SEC24A: variants seen among roughly 807,000 people sequenced by gnomAD.
SEC24A encodes the protein SEC24 homolog A, COPII component.
A neutral mutation model predicts 129.4 loss-of-function variants in SEC24A; 93 were observed. That is an observed-to-expected ratio of 0.72 (90% CI 0.61 to 0.85). SEC24A has a LOEUF of 0.85. Ranked by LOEUF, SEC24A falls within the 40% of genes least tolerant of loss-of-function variation. SEC24A has a pLI of 0.00. For synonymous variants in SEC24A, 460 were observed against 467.3 expected, an observed-to-expected ratio of 0.98 and a Z score of 0.20; for missense variants, 1,264 against 1,307.4, an observed-to-expected ratio of 0.97 and a Z score of 0.51.
At chr5:134,653,886 A>G (rs1188758782) in intron 1 of SEC24A, among the ~76,000 whole-genome samples, 4 of 147,460 alleles carry the variant, frequency 2.7e-5, no homozygotes, top group Non-Finnish European at 6.0e-5. Flanking sequence ...GGCCGGGTGC[A>G]GTGGCTCACA....
At chr5:134,700,034 A>G (rs1025115750) in intron 15 of SEC24A, among the ~76,000 whole-genome samples, 38 of 147,502 alleles carry the variant, frequency 2.6e-4, no homozygotes, top group African/African-American at 8.5e-4. Context: ...ATTTCTCCAC[A>G]TTATCAACCT....
intron 1 of SEC24A, among the ~76,000 whole-genome samples, chr5:134,658,086 T>C (rs1308334838): frequency 6.6e-6 from 1 of 152,060 alleles, no homozygotes; most frequent in Non-Finnish European, 1.5e-5. Context: ...CTGGCCAACA[T>C]GGTGAAATCC....
intron 1 of SEC24A, among the ~76,000 whole-genome samples, chr5:134,659,238 AT>A (rs1320421785): frequency 4.6e-5 from 7 of 151,516 alleles, no homozygotes; most frequent in Admixed American, 2.6e-4. Flanking sequence ...CGCTCCACTA[AT>A]TTTTTTGTAT....
At chr5:134,652,537 C>T (rs184903737) in intron 1 of SEC24A, among the ~76,000 whole-genome samples, 172 of 152,134 alleles carry the variant, frequency 1.1e-3, no homozygotes, top group African/African-American at 3.9e-3. Context: ...CCGCCCACCT[C>T]GGCCTACTAA....
intron 20 of SEC24A, among the ~76,000 whole-genome samples, chr5:134,720,370 G>C (rs898429038): frequency 2.0e-5 from 3 of 152,108 alleles, no homozygotes; most frequent in Admixed American, 6.6e-5. Flanking sequence ...TACCATTAAG[G>C]CTTGTGTAAA....
In SEC24A at chr5:134,686,877, CAG is replaced by C. The variant is rs772573019; in HGVS notation, c.1582_1583del (p.Ser528PhefsTer13). The C allele has an allele frequency of 6.2e-7, 1 of 1,605,594 alleles. No individual in the cohort carries two copies. Among genetic ancestry groups the C allele is most frequent in the Non-Finnish European group, 8.5e-7 (1 of 1,174,462 alleles). ...VETGYLNSVC[Q>X]SLLDNLDLLP... is the part of the protein sequence containing the mutation. ...AACTGGATACTTGAATTCAGTTTGC[CAG>C]AGTTTGTTAGACAATCTGGATTTGT... On this transcript the variant is annotated frameshift_variant, in exon 10 of 23. Transcript: ENST00000398844. LOFTEE classifies it high-confidence loss of function.
chr5:134,718,468 G>A (rs1752540781), intron 20 of SEC24A, among the ~76,000 whole-genome samples: 1 of 152,000 alleles, frequency 6.6e-6, no homozygotes, highest in African/African-American at 2.4e-5. Flanking sequence ...CCTTAGGCGG[G>A]TCCTTGAGGA....
At chr5:134,709,613 G>A (rs568718319) in intron 18 of SEC24A, among the ~76,000 whole-genome samples, 94 of 152,264 alleles carry the variant, frequency 6.2e-4, no homozygotes, top group African/African-American at 2.1e-3. Context: ...GAGGCTGGGT[G>A]GTGGGGCAGG....
At chr5:134,704,303 C>T (rs1455290570) in intron 16 of SEC24A, among the ~76,000 whole-genome samples, 3 of 151,980 alleles carry the variant, frequency 2.0e-5, no homozygotes, top group Non-Finnish European at 4.4e-5. Flanking sequence ...CTCTTGACCT[C>T]GTGATCTGCC....
intron 18 of SEC24A, among the ~76,000 whole-genome samples, chr5:134,710,842 A>G (rs1315385572): frequency 6.6e-6 from 1 of 152,212 alleles, no homozygotes; most frequent in East Asian, 1.9e-4. Context: ...ATTTTATTTA[A>G]AAGCTCGTGT....
intron 7 of SEC24A, 152 bp downstream of exon 7, chr5:134,676,277 TTA>T: frequency 1.8e-6 from 1 of 548,328 alleles, no homozygotes; most frequent in South Asian, 2.4e-5. Context: ...GTAGCTGGGA[TTA>T]CAGGTGCCTG....
intron 1 of SEC24A, among the ~76,000 whole-genome samples, chr5:134,651,122 TCTTA>T (rs1309580758): frequency 7.0e-6 from 1 of 143,718 alleles, no homozygotes. Context: ...TGAGACAGGA[TCTTA>T]CTTAAACTGT....
At chr5:134,674,922 AT>A in intron 5 of SEC24A, 122 bp from the exon 6 acceptor site, 2 of 1,150,350 alleles carry the variant, frequency 1.7e-6, no homozygotes, top group East Asian at 2.6e-5. Flanking sequence ...GTCTTTATAC[AT>A]TTTTCCAGAA....
intron 1 of SEC24A, 105 bp from the exon 2 acceptor site, chr5:134,661,014 G>A (rs1005921991): frequency 3.7e-6 from 3 of 816,890 alleles, no homozygotes; most frequent in Non-Finnish European, 5.9e-6. Context: ...TTTTAATTGA[G>A]TTATGTGTTT....
In SEC24A at chr5:134,661,540, T is replaced by A; in HGVS notation, c.519T>A (p.Tyr173Ter). Reference protein sequence around the residue: ...GNTSLTTNHQYVSSGYPSLQN... With the variant: ...GNTSLTTNHQ Reference sequence around the variant, plus strand: ...CAAGTTTAACCACAAATCATCAATATGTTTCTTCTGGATATCCTTCACTTC... The same window carrying A: ...CAAGTTTAACCACAAATCATCAATAAGTTTCTTCTGGATATCCTTCACTTC... Residue 173 changes from tyrosine to a stop codon, truncating the protein, a stop_gained, in exon 2 of 23, where the codon TAT becomes TAA. Coordinates refer to ENST00000398844, the MANE Select transcript of SEC24A (RefSeq NM_021982.3). LOFTEE classifies it high-confidence loss of function. The A allele has an allele frequency of 6.2e-7, 1 of 1,614,102 alleles. No individual in the cohort carries two copies.
At chr5:134,653,826 A>C (rs1042513296) in intron 1 of SEC24A, among the ~76,000 whole-genome samples, 2 of 151,806 alleles carry the variant, frequency 1.3e-5, no homozygotes, top group Admixed American at 1.3e-4. Context: ...GCACAACTGC[A>C]CTACAACCTG....
chr5:134,650,537 CT>C (rs891812570), intron 1 of SEC24A, among the ~76,000 whole-genome samples: 421 of 141,086 alleles, frequency 3.0e-3, no homozygotes, highest in Middle Eastern at 0.014. Flanking sequence ...TGTTCCACAT[CT>C]TTTTTTTTTT....
intron 2 of SEC24A, among the ~76,000 whole-genome samples, chr5:134,666,576 A>AAAAG (rs201410319): frequency 5.2e-4 from 78 of 148,786 alleles, no homozygotes; most frequent in African/African-American, 1.6e-3. Flanking sequence ...CAGGCAGGAG[A>AAAAG]AAAGAAAGAA....
chr5:134,667,804 C>T (rs1284238161), intron 3 of SEC24A, among the ~76,000 whole-genome samples: 2 of 152,210 alleles, frequency 1.3e-5, no homozygotes, highest in African/African-American at 4.8e-5. Context: ...TTTCCCCTCC[C>T]TGGAATCAAT....
Sources: gnomAD v4.1 joint callset for allele counts (sites outside exome capture counted in the v4.1 genomes callset) on GRCh38, gnomAD v4.1.1 for gene constraint, MANE v1.5 for transcripts, NCBI Gene and HGNC (gene_info 2026-07-23, HGNC 2026-07-21) for gene names.